CHRNA7: variants seen among roughly 807,000 people sequenced by gnomAD.
CHRNA7 encodes the protein cholinergic receptor nicotinic alpha 7 subunit.
Under a neutral mutation model 48.0 loss-of-function variants are expected in CHRNA7, and 17 were observed. That is an observed-to-expected ratio of 0.35 (90% confidence interval 0.24 to 0.53). The LOEUF (loss-of-function observed/expected upper bound fraction) is 0.53, where lower values mean the gene tolerates loss of function less well. CHRNA7 is among the 20% of genes least tolerant of loss of function. The pLI, the probability that CHRNA7 is intolerant of heterozygous loss-of-function variation, is 0.92. For missense variants in CHRNA7, 155 were observed against 577.7 expected (o/e 0.27, Z 7.50); for synonymous variants, 75 against 242.3 (o/e 0.31, Z 6.41).
chr15:32,108,186 G>A (rs2050702984), intron 3 of CHRNA7, among the ~76,000 whole-genome samples: 1 of 152,076 alleles, frequency 6.6e-6, no homozygotes, highest in South Asian at 2.1e-4. Context: ...GGGCCCAGGT[G>A]CCAGAGCCAT....
chr15:32,035,726 A>G (rs988549525), intron 2 of CHRNA7, among the ~76,000 whole-genome samples: 1 of 152,222 alleles, frequency 6.6e-6, no homozygotes, highest in African/African-American at 2.4e-5. Flanking sequence ...TACCTAGAAT[A>G]TATTGTAAAA....
chr15:32,060,195 A>G (rs551222773), intron 2 of CHRNA7, among the ~76,000 whole-genome samples: 1 of 152,130 alleles, frequency 6.6e-6, no homozygotes, highest in Non-Finnish European at 1.5e-5. Flanking sequence ...CTATAACTGA[A>G]ACTTCAGAAT....
chr15:32,101,529 A>T (rs369563941), intron 3 of CHRNA7, 182 bp downstream of exon 3: 78 of 650,276 alleles, frequency 1.2e-4, no homozygotes, highest in Middle Eastern at 8.6e-4. Context: ...TGGCTGTATG[A>T]CACTACAGTC....
rs2050567436 is a variant in CHRNA7, at chr15:32,101,298, T to TG, written c.196-4dup. 4 of 1,588,346 alleles carry TG rather than the reference T, an allele frequency of 2.5e-6. No homozygotes were observed. Among genetic ancestry groups the TG allele is most frequent in the Non-Finnish European group, 3.4e-6 (4 of 1,172,654 alleles). On this transcript the variant is annotated splice_region_variant and splice_polypyrimidine_tract_variant and intron_variant, in intron 2 of 9. Coordinates refer to ENST00000306901, the MANE Select transcript of CHRNA7 (RefSeq NM_000746.6). ...TATGCTGCTGCTTTTTTTTTTTTTT[T>TG]GAAGGATGAGAAGAACCAAGTTTTA...
At chr15:32,066,588 G>A (rs2049970992) in intron 2 of CHRNA7, among the ~76,000 whole-genome samples, 1 of 152,130 alleles carries the variant, frequency 6.6e-6, no homozygotes, top group Admixed American at 6.5e-5. Flanking sequence ...CCACATTGTA[G>A]TATTTAAAAT....
At chr15:32,078,129 A>T (rs551756842) in intron 2 of CHRNA7, among the ~76,000 whole-genome samples, 174 of 152,300 alleles carry the variant, frequency 1.1e-3, no homozygotes, top group African/African-American at 4.0e-3. Flanking sequence ...ACAGTCCTTT[A>T]TCTGATTTGT....
intron 4 of CHRNA7, among the ~76,000 whole-genome samples, chr15:32,150,037 C>CA (rs1348343319): frequency 6.6e-6 from 1 of 152,008 alleles, no homozygotes; most frequent in South Asian, 2.1e-4. Flanking sequence ...ATTTTTATTT[C>CA]AAAAATATTT....
chr15:32,109,796 C>T (rs560323697), intron 3 of CHRNA7, among the ~76,000 whole-genome samples: 17 of 152,286 alleles, frequency 1.1e-4, no homozygotes, highest in Middle Eastern at 3.4e-3. Flanking sequence ...ATACACAGGA[C>T]ACTGGACTAG....
At chr15:32,057,951 G>C (rs555908501) in intron 2 of CHRNA7, among the ~76,000 whole-genome samples, 76 of 152,310 alleles carry the variant, frequency 5.0e-4, no homozygotes, top group Non-Finnish European at 8.1e-4. Context: ...GCAGGAAGAT[G>C]TCTCCAGATC....
At chr15:32,066,307 A>C (rs2049965434) in intron 2 of CHRNA7, among the ~76,000 whole-genome samples, 1 of 149,310 alleles carries the variant, frequency 6.7e-6, no homozygotes, top group Non-Finnish European at 1.5e-5. Context: ...TTTGAGATGG[A>C]GTCTCACTCT....
At chr15:32,061,784 G>T (rs1408659235) in intron 2 of CHRNA7, among the ~76,000 whole-genome samples, 1 of 151,998 alleles carries the variant, frequency 6.6e-6, no homozygotes, top group Non-Finnish European at 1.5e-5. Context: ...CTTCAGCCTG[G>T]GTGACAGAGT....
intron 4 of CHRNA7, among the ~76,000 whole-genome samples, chr15:32,148,199 C>G (rs78039312): frequency 5.1e-4 from 78 of 152,274 alleles, no homozygotes; most frequent in Non-Finnish European, 9.3e-4. Flanking sequence ...TGGATTTCTT[C>G]TTCTTATTGT....
chr15:32,140,093 C>A (rs1456888848), intron 4 of CHRNA7, among the ~76,000 whole-genome samples: 1 of 148,156 alleles, frequency 6.7e-6, no homozygotes, highest in Non-Finnish European at 1.5e-5. Context: ...CCCCGAGAGG[C>A]CCCGGTGTGT....
At chr15:32,158,983 C>T (rs1046783222) in intron 7 of CHRNA7, 3 of 244,898 alleles carry the variant, frequency 1.2e-5, no homozygotes, top group Non-Finnish European at 2.3e-5. Context: ...TTGTATGTTA[C>T]AGTACCCAGT....
At chr15:32,147,742 A>C (rs953497867) in intron 4 of CHRNA7, among the ~76,000 whole-genome samples, 7 of 152,200 alleles carry the variant, frequency 4.6e-5, no homozygotes, top group Admixed American at 3.3e-4. Flanking sequence ...GTCATGGACT[A>C]TGACAAGCCA....
chr15:32,132,880 T>C (rs1293191888), intron 4 of CHRNA7, among the ~76,000 whole-genome samples: 1 of 152,256 alleles, frequency 6.6e-6, no homozygotes, highest in Non-Finnish European at 1.5e-5. Flanking sequence ...GCTTAGTTTA[T>C]TTAGACTTTA....
At chr15:32,128,714 T>G (rs529467303) in intron 4 of CHRNA7, among the ~76,000 whole-genome samples, 1 of 151,930 alleles carries the variant, frequency 6.6e-6, no homozygotes, top group East Asian at 1.9e-4. Context: ...CACCTGAAAA[T>G]AGTAACTTTT....
At chr15:32,166,325 G>A (rs2052139603) in intron 9 of CHRNA7, 2 of 152,246 alleles carry the variant, frequency 1.3e-5, no homozygotes, top group East Asian at 1.9e-4. Context: ...GGTTTCACCT[G>A]GGGCCATATG....
At chr15:32,107,331 C>T (rs772752122) in intron 3 of CHRNA7, among the ~76,000 whole-genome samples, 2 of 151,998 alleles carry the variant, frequency 1.3e-5, no homozygotes, top group Non-Finnish European at 2.9e-5. Context: ...ACTGAAAATT[C>T]GAGGGTTCCC....
Sources: allele counts gnomAD v4.1 joint callset (sites outside exome capture counted in the v4.1 genomes callset), GRCh38; gene constraint gnomAD v4.1.1; transcripts MANE v1.5; gene names NCBI Gene and HGNC (gene_info 2026-07-23, HGNC 2026-07-21).